C4orf54: variants seen among roughly 807,000 people sequenced by gnomAD.
C4orf54 encodes chromosome 4 open reading frame 54.
In C4orf54, 67 loss-of-function variants were observed where a neutral mutation model predicts 80.1. The ratio of observed to expected loss-of-function variants is 0.84; its 90% CI spans 0.69 to 1.03. C4orf54 has a LOEUF of 1.03. Among genes scored for constraint, C4orf54 ranks in the 50% least tolerant of loss-of-function variants. C4orf54 has a pLI of 0.00. For missense variants in C4orf54, 2,434 were observed against 2,253.5 expected (o/e 1.08, Z -1.62); for synonymous variants, 1,000 against 917.0 (o/e 1.09, Z -1.64).
At chr4:99,655,422 T>C (rs1051734228) in intron 1 of C4orf54, among the ~76,000 whole-genome samples, 3 of 152,230 alleles carry the variant, frequency 2.0e-5, no homozygotes, top group Non-Finnish European at 4.4e-5. Flanking sequence ...CAATTAAATA[T>C]AGCCTGAGCT....
rs1358897048 is a variant in C4orf54, at chr4:99,650,003, G to A, written c.4646C>T (p.Pro1549Leu). The change falls in exon 2 of 3, where the codon CCA (proline) becomes CTA (leucine). Residue 1549 changes from proline to leucine, a missense_variant. Coordinates refer to ENST00000511828, the MANE Select transcript of C4orf54 (RefSeq NM_001354435.2). The stretch of plus-strand genomic sequence containing the variant: ...GGTGGGGGGATGCTCGGGGCTCTGT[G>A]GCCCTGGGGGGGCAGCTACTGTCTC... ...PRETVAAPPG[P>L]QSPEHPPTTI... 2.6e-6 allele frequency: 4 copies of A among 1,535,168 alleles called. No homozygotes were observed. The highest frequency in any genetic ancestry group is 3.5e-6 in the Non-Finnish European group (4 of 1,146,398).
rs890352054 is a variant in C4orf54, at chr4:99,651,261, G to C, written c.3388C>G (p.Leu1130Val). The change falls in exon 2 of 3, where the codon CTG becomes GTG. Residue 1130 changes from leucine (L) to valine (V), a missense_variant. Physicochemically the swap from Leu to Val is conservative, Grantham distance 32 (BLOSUM62 1). Transcript: ENST00000511828. Reference sequence around the variant, plus strand: ...AGCTGCCTGGGTTTGGGTCCAGTCAGCCCCTGCTCTGGGGTAACACTGCCC... The same window carrying C: ...AGCTGCCTGGGTTTGGGTCCAGTCACCCCCTGCTCTGGGGTAACACTGCCC... Reference protein sequence around the residue: ...DKGSVTPEQGLTGPKPRQLSA... With the variant: ...DKGSVTPEQGVTGPKPRQLSA... 1 of 1,536,022 alleles carries C rather than the reference G, an allele frequency of 6.5e-7. No individual in the cohort carries two copies. The highest frequency in any genetic ancestry group is 1.4e-5 in the African/African-American group (1 of 73,048).
At chr4:99,656,154 G>A (rs900314797) in intron 1 of C4orf54, among the ~76,000 whole-genome samples, 2 of 147,538 alleles carry the variant, frequency 1.4e-5, no homozygotes, top group African/African-American at 2.7e-5. Flanking sequence ...GGTGAAGAGA[G>A]TAAAAGAGGA....
At chr4:99,655,148 T>C (rs1287750482) in intron 1 of C4orf54, among the ~76,000 whole-genome samples, 1 of 152,164 alleles carries the variant, frequency 6.6e-6, no homozygotes, top group African/African-American at 2.4e-5. Context: ...CCATCCCTCT[T>C]TCCCCAAAGT....
chr4:99,654,408 G>A lies in C4orf54; in HGVS notation c.241C>T (p.Pro81Ser), dbSNP rs1186983853. The A allele has an allele frequency of 7.1e-6, 6 of 845,088 alleles. No homozygotes were observed. Among genetic ancestry groups the A allele is most frequent in the Non-Finnish European group, 1.2e-5 (6 of 515,516 alleles). The allele number at this position is 845,088 out of a possible 1,614,324, so 52.3% of individuals were successfully genotyped here. A position where few individuals can be genotyped will look rare whatever the true frequency, so the allele number is the denominator to read the frequency against. ...ACCTCCCAGTTCTTCAGCCCCTGTG[G>A]CGGGGCCGCAGCAAGCCTGAGGGAG... is the stretch of plus-strand genomic sequence containing the variant. ...PTSLRLAAAP[P>S]QGLKNWEVVA... Residue 81 changes from proline to serine, a missense_variant, in exon 2 of 3, where the codon CCA becomes TCA. Physicochemically the swap from Pro to Ser is moderately conservative, Grantham distance 74 (BLOSUM62 -1). Coordinates refer to ENST00000511828, the MANE Select transcript of C4orf54 (RefSeq NM_001354435.2).
rs1726838288 is a variant in C4orf54, at chr4:99,651,868, A to AT, written c.2780_2781insA (p.Ser927ArgfsTer13). 1 of 1,535,592 alleles carries AT rather than the reference A, an allele frequency of 6.5e-7. No homozygotes were observed. Among genetic ancestry groups the AT allele is most frequent in the African/African-American group, 1.4e-5 (1 of 72,896 alleles). On this transcript the variant is annotated frameshift_variant, in exon 2 of 3. Coordinates refer to ENST00000511828, the MANE Select transcript of C4orf54 (RefSeq NM_001354435.2). LOFTEE classifies it high-confidence loss of function. ...AGATGCCCTTGACGGTCTCTGAGGC[A>AT]CTCTTTTTAATTTCACACACTTCTG...
Position 99,637,311 on chromosome 4 carries a change from G to A in C4orf54, c.*3922C>T, listed in dbSNP as rs553215086. The A allele has an allele frequency of 3.3e-5, 5 of 152,242 alleles. 1 individual carries two copies. Among genetic ancestry groups the A allele is most frequent in the African/African-American group, 7.2e-5 (3 of 41,544 alleles). 9.4% of individuals were successfully genotyped at this position (152,242 alleles called of 1,614,324 possible). ...TACTGAATGTTAATAGCTTACAAAC[G>A]CTGCTCTGAACATTCAGTTCTCTTC... On this transcript the variant is annotated 3_prime_UTR_variant, in exon 3 of 3. Coordinates refer to ENST00000511828, the MANE Select transcript of C4orf54 (RefSeq NM_001354435.2).
chr4:99,643,767 CA>C (rs1726645209), intron 2 of C4orf54, among the ~76,000 whole-genome samples: 1 of 139,386 alleles, frequency 7.2e-6, no homozygotes, highest in South Asian at 2.4e-4. Context: ...CACACACACA[CA>C]CACACACACA....
At position 99,654,512 on chromosome 4, in the gene C4orf54, G is replaced by C; in HGVS notation, c.137C>G (p.Thr46Arg). ...NNWTGQLSYR[T>R]LATVSAGAAA... is the part of the protein sequence containing the mutation. ...TGCTCCGGCCGAGACTGTGGCCAGT[G>C]TTCTGTAGCTGAGCTGTCCTGTCCA... The change falls in exon 2 of 3, where the codon ACA (threonine) becomes AGA (arginine). Residue 46 changes from threonine to arginine, a missense_variant. Transcript: ENST00000511828. The C allele has an allele frequency of 1.4e-6, 1 of 703,556 alleles. No individual in the cohort carries two copies. Among genetic ancestry groups the C allele is most frequent in the East Asian group, 2.7e-5 (1 of 37,288 alleles). 43.6% of individuals were successfully genotyped at this position (703,556 alleles called of 1,614,324 possible).
rs999535344 is a variant in C4orf54, at chr4:99,650,739, C to T, written c.3910G>A (p.Val1304Ile). ...IASEEREGVVVADGDHDKLSK... is the reference protein window; with the variant it reads ...IASEEREGVVIADGDHDKLSK... The stretch of plus-strand genomic sequence containing the variant: ...AGCTTGTCGTGGTCTCCATCAGCAA[C>T]CACTACCCCTTCCCTCTCCTCACTG... Residue 1304 changes from valine (V) to isoleucine (I), a missense_variant, in exon 2 of 3, where the codon GTT (valine) becomes ATT (isoleucine). Physicochemically the swap from Val to Ile is conservative, Grantham distance 29. Transcript: ENST00000511828. 2.4e-5 allele frequency: 37 copies of T among 1,536,186 alleles called. No individual in the cohort carries two copies. The highest frequency in any genetic ancestry group is 3.2e-5 in the Non-Finnish European group (37 of 1,146,920).
rs966939559 is a variant in C4orf54, at chr4:99,636,716, T to C, written c.*4517A>G. On this transcript the variant is annotated 3_prime_UTR_variant, in exon 3 of 3. Coordinates refer to ENST00000511828, the MANE Select transcript of C4orf54 (RefSeq NM_001354435.2). ...TACTCCATATTCAATGCACTGAAAATGTGATTCTCAGAGCTGTCGAGATTC... is the reference window on the plus strand; with the variant it reads ...TACTCCATATTCAATGCACTGAAAACGTGATTCTCAGAGCTGTCGAGATTC... 6.6e-6 allele frequency: 1 copy of C among 152,162 alleles called. No individual in the cohort carries two copies. The highest frequency in any genetic ancestry group is 2.4e-5 in the African/African-American group (1 of 41,436). The allele number at this position is 152,162 out of a possible 1,614,324, so 9.4% of individuals were successfully genotyped here.
At position 99,651,749 on chromosome 4, in the gene C4orf54, G is replaced by C; in HGVS notation, c.2900C>G (p.Pro967Arg). Reference sequence around the variant, plus strand: ...ATCAGCCCGCCAGTCGCCTCCTTTGGGCAGCTTCAGCTTCCCTATAGGGGC... The same window carrying C: ...ATCAGCCCGCCAGTCGCCTCCTTTGCGCAGCTTCAGCTTCCCTATAGGGGC... The part of the protein sequence containing the change: ...EQAPIGKLKL[P>R]KGGDWRADLG... Residue 967 changes from proline to arginine, a missense_variant, in exon 2 of 3, where the codon CCC becomes CGC. Pro to Arg is a moderately radical substitution (Grantham distance 103). Coordinates refer to ENST00000511828, the MANE Select transcript of C4orf54 (RefSeq NM_001354435.2). 6.5e-7 allele frequency: 1 copy of C among 1,535,998 alleles called. No homozygotes were observed. Among genetic ancestry groups the C allele is most frequent in the Non-Finnish European group, 8.7e-7 (1 of 1,146,884 alleles).
At chr4:99,656,280 GTT>G (rs1194995054) in intron 1 of C4orf54, among the ~76,000 whole-genome samples, 2 of 146,846 alleles carry the variant, frequency 1.4e-5, no homozygotes, top group African/African-American at 2.5e-5. Context: ...TTTTATCTTA[GTT>G]TTTTTTTTTT....
Position 99,650,734 on chromosome 4 carries a change from A to T in C4orf54, c.3915T>A (p.Ala1305=), listed in dbSNP as rs1382599189. 1.3e-6 allele frequency: 2 copies of T among 1,536,006 alleles called. No homozygotes were observed. The highest frequency in any genetic ancestry group is 1.7e-6 in the Non-Finnish European group (2 of 1,146,912). The change falls in exon 2 of 3, where the codon GCT becomes GCA. Residue 1305 remains alanine, a synonymous_variant. Coordinates refer to ENST00000511828, the MANE Select transcript of C4orf54 (RefSeq NM_001354435.2). The part of the protein sequence containing the change: ...ASEEREGVVV[A]DGDHDKLSKR... The stretch of plus-strand genomic sequence containing the variant: ...TGGACAGCTTGTCGTGGTCTCCATC[A>T]GCAACCACTACCCCTTCCCTCTCCT...
chr4:99,644,342 G>A (rs1341584098), intron 2 of C4orf54, among the ~76,000 whole-genome samples: 1 of 152,020 alleles, frequency 6.6e-6, no homozygotes, highest in Non-Finnish European at 1.5e-5. Flanking sequence ...TAAAGGTAAT[G>A]GAATCGTGAA....
Position 99,651,164 on chromosome 4 carries a change from C to A in C4orf54, c.3485G>T (p.Arg1162Met). 3.3e-6 allele frequency: 5 copies of A among 1,536,158 alleles called. No homozygotes were observed. The highest frequency in any genetic ancestry group is 4.4e-6 in the Non-Finnish European group (5 of 1,146,922). Residue 1162 changes from arginine (R) to methionine (M), a missense_variant, in exon 2 of 3, where the codon AGG (arginine) becomes ATG (methionine). Arg to Met is a moderately conservative substitution (Grantham distance 91). Transcript: ENST00000511828. ...GGGCTCTCGGTCCATGCTGTCTTCCCTCTGGTTCACTACAGCCTGGCATGT... is the reference window on the plus strand; with the variant it reads ...GGGCTCTCGGTCCATGCTGTCTTCCATCTGGTTCACTACAGCCTGGCATGT... ...VITCQAVVNQ[R>M]EDSMDREPRE...
Position 99,651,869 on chromosome 4 carries a change from C to T in C4orf54, c.2780G>A (p.Ser927Asn), listed in dbSNP as rs1726840690. ...GATGCCCTTGACGGTCTCTGAGGCA[C>T]TCTTTTTAATTTCACACACTTCTGT... ...GHTEVCEIKK[S>N]ASETVKGIFL... The change falls in exon 2 of 3, where the codon AGT becomes AAT. Residue 927 changes from serine to asparagine, a missense_variant. Transcript: ENST00000511828. 5 of 1,535,994 alleles carry T rather than the reference C, an allele frequency of 3.3e-6. No homozygotes were observed. Among genetic ancestry groups the T allele is most frequent in the African/African-American group, 1.4e-5 (1 of 73,038 alleles).
intron 2 of C4orf54, among the ~76,000 whole-genome samples, chr4:99,645,214 C>T (rs1726680018): frequency 6.6e-6 from 1 of 151,926 alleles, no homozygotes; most frequent in African/African-American, 2.4e-5. Context: ...GATCTAAGGA[C>T]CCAGTCTAGG....
chr4:99,650,634 G>A lies in C4orf54; in HGVS notation c.4015C>T (p.Arg1339Cys), dbSNP rs1372364684. The A allele has an allele frequency of 6.5e-7, 1 of 1,536,106 alleles. No individual in the cohort carries two copies. The highest frequency in any genetic ancestry group is 8.7e-7 in the Non-Finnish European group (1 of 1,146,910). The change falls in exon 2 of 3, where the codon CGT becomes TGT. Residue 1339 changes from arginine (R) to cysteine (C), a missense_variant. By Grantham distance (180) the Arg-to-Cys change is radical. Transcript: ENST00000511828. ...GGGTTGGAGTTTCTCCGCTGCAGACGTTCTATGGGGGCCCCTCGCAGGACC... is the reference window on the plus strand; with the variant it reads ...GGGTTGGAGTTTCTCCGCTGCAGACATTCTATGGGGGCCCCTCGCAGGACC... ...GVVLRGAPIE[R>C]LQRRNSNPSA...
Sources: gnomAD v4.1 joint callset for allele counts (sites outside exome capture counted in the v4.1 genomes callset) on GRCh38, gnomAD v4.1.1 for gene constraint, MANE v1.5 for transcripts, NCBI Gene and HGNC (gene_info 2026-07-23, HGNC 2026-07-21) for gene names.